Variants in PEAR1 observed in about 807,000 individuals in gnomAD.
The protein encoded by PEAR1 is multiple EGF-like domains protein 12.
PEAR1 carries 113 observed loss-of-function variants against 131.2 expected under a neutral mutation model. The ratio of observed to expected loss-of-function variants is 0.86; its 90% CI spans 0.74 to 1.01. PEAR1 has a LOEUF of 1.01. Ranked by LOEUF, PEAR1 falls within the 50% of genes least tolerant of loss-of-function variation. The pLI is 0.00. For synonymous variants in PEAR1, 565 were observed against 523.3 expected, an observed-to-expected ratio of 1.08 and a Z score of -1.09; for missense variants, 1,408 against 1,391.1, an observed-to-expected ratio of 1.01 and a Z score of -0.19.
intron 11 of PEAR1, among the ~76,000 whole-genome samples, 170 bp downstream of exon 11, chr1:156,909,206 C>T (rs970255384): frequency 6.6e-6 from 1 of 152,120 alleles, no homozygotes; most frequent in Non-Finnish European, 1.5e-5. Flanking sequence ...CCTGGAATAT[C>T]CACTTTGCTT....
Position 156,904,832 on chromosome 1 carries a change from C to T in PEAR1, c.186C>T (p.Pro62=), listed in dbSNP as rs201301244. 1.2e-6 allele frequency: 2 copies of T among 1,613,806 alleles called. No homozygotes were observed. Among genetic ancestry groups the T allele is most frequent in the African/African-American group, 2.7e-5 (2 of 75,050 alleles). ...SEPCERPWEG[P]HTCPQPTVVY... The stretch of plus-strand genomic sequence containing the variant: ...CCTGCGAGCGGCCCTGGGAGGGCCC[C>T]CATACTTGCCCCCAGCCCACGTGAG... Residue 62 remains proline (P), a synonymous_variant, in exon 3 of 23, where the codon CCC becomes CCT. Transcript: ENST00000292357.
Position 156,903,858 on chromosome 1 carries a change from C to G in PEAR1, c.-9-60C>G, listed in dbSNP as rs1649932381. 4 of 1,379,230 alleles carry G rather than the reference C, an allele frequency of 2.9e-6. No individual in the cohort carries two copies. In the African/African-American group the frequency reaches 5.7e-5, roughly 20 times the overall value. 85.4% of individuals were successfully genotyped at this position (1,379,230 alleles called of 1,614,324 possible). A position where few individuals can be genotyped will look rare whatever the true frequency, so the allele number is the denominator to read the frequency against. ...TGCCCACGGCTCAGATCTCTGCAGA[C>G]AGGTCCTCCAGGCTGCTGGCTGCAG... is the stretch of plus-strand genomic sequence containing the variant. On this transcript the variant is annotated intron_variant, in intron 1 of 22. Transcript: ENST00000292357.
chr1:156,909,945 G>T (rs764327219), intron 12 of PEAR1, 31 bp downstream of exon 12: 1 of 1,611,872 alleles, frequency 6.2e-7, no homozygotes. Flanking sequence ...CTGCCTGGGG[G>T]TGGGGAGGGC....
rs769055450 is a variant in PEAR1 at position 156,906,306 on chromosome 1, G to C, written c.338G>C (p.Arg113Pro). 1 of 1,614,074 alleles carries C rather than the reference G, an allele frequency of 6.2e-7. No homozygotes were observed. The highest frequency in any genetic ancestry group is 1.3e-5 in the African/African-American group (1 of 74,930). ...TGTGCCCAGGAGTGTGTCCATGGCCGTTGTGTGGCACCCAATCAGTGCCAA... is the reference window on the plus strand; with the variant it reads ...TGTGCCCAGGAGTGTGTCCATGGCCCTTGTGTGGCACCCAATCAGTGCCAA... ...PLCAQECVHGRCVAPNQCQCV... is the reference protein window; with the variant it reads ...PLCAQECVHGPCVAPNQCQCV... The change falls in exon 5 of 23, where the codon CGT (arginine) becomes CCT (proline). Residue 113 changes from arginine to proline, a missense_variant. Arg to Pro is a moderately radical substitution (Grantham distance 103). Transcript: ENST00000292357.
chr1:156,901,164 G>A (rs1333841176), intron 1 of PEAR1, among the ~76,000 whole-genome samples: 1 of 152,206 alleles, frequency 6.6e-6, no homozygotes, highest in Non-Finnish European at 1.5e-5. Flanking sequence ...TCCAGCCCCT[G>A]GGCTGACCAG....
Position 156,908,267 on chromosome 1 carries a change from C to G in PEAR1, c.1042C>G (p.Arg348Gly). The G allele has an allele frequency of 6.3e-7, 1 of 1,590,926 alleles. No individual in the cohort carries two copies. The stretch of plus-strand genomic sequence containing the variant: ...CTTCACTGGGGACCGCTGCACGGAT[C>G]GCCTCTGCCCCGACGGCTTCTACGG... Reference protein sequence around the residue: ...HGFTGDRCTDRLCPDGFYGLS... With the variant: ...HGFTGDRCTDGLCPDGFYGLS... The change falls in exon 9 of 23, where the codon CGC becomes GGC. Residue 348 changes from arginine (R) to glycine (G), a missense_variant. Arg to Gly is a moderately radical substitution (Grantham distance 125). Transcript: ENST00000292357. This position sits in a 1 kb window ranked among gnomAD's most constrained non-coding sequence, Gnocchi z 4.2.
intron 1 of PEAR1, among the ~76,000 whole-genome samples, chr1:156,900,332 C>G (rs961043170): frequency 4.6e-5 from 7 of 151,218 alleles, no homozygotes; most frequent in Admixed American, 4.6e-4. Flanking sequence ...ATCCCCTTCT[C>G]CTGTCCAATC....
intron 6 of PEAR1, 148 bp downstream of exon 6, chr1:156,907,028 C>T: frequency 1.6e-6 from 2 of 1,240,718 alleles, no homozygotes; most frequent in Non-Finnish European, 2.2e-6. Context: ...TCCTATTCCT[C>T]ACGAGTGGAG....
In PEAR1 at chr1:156,904,775, C is replaced by A. The variant is rs746455637; in HGVS notation, c.129C>A (p.His43Gln). 1 of 1,613,234 alleles carries A rather than the reference C, an allele frequency of 6.2e-7. No individual in the cohort carries two copies. Among genetic ancestry groups the A allele is most frequent in the Non-Finnish European group, 8.5e-7 (1 of 1,179,730 alleles). ...ESFTTTTKES[H>Q]SRPFSLLPSE... ...TCACTACCACCACCAAGGAGTCCCA[C>A]TCCCGCCCCTTCAGCCTGCTCCCCT... is the stretch of plus-strand genomic sequence containing the variant. The change falls in exon 3 of 23, where the codon CAC becomes CAA. Residue 43 changes from histidine (H) to glutamine (Q), a missense_variant. His to Gln is a conservative substitution (Grantham distance 24, BLOSUM62 0). Coordinates refer to ENST00000292357, the MANE Select transcript of PEAR1 (RefSeq NM_001080471.3).
intron 1 of PEAR1, among the ~76,000 whole-genome samples, chr1:156,900,767 C>G (rs533847699): frequency 6.6e-6 from 1 of 152,112 alleles, no homozygotes; most frequent in Admixed American, 6.5e-5. Flanking sequence ...AAGAAGCAAG[C>G]CTGCAGCAGG....
At chr1:156,911,108 T>TTC (rs1558144177) in intron 15 of PEAR1, among the ~76,000 whole-genome samples, 81 of 122,176 alleles carry the variant, frequency 6.6e-4, no homozygotes, top group African/African-American at 2.8e-3. Context: ...CTTTCTTTCT[T>TTC]TTCTTTCTTC....
intron 5 of PEAR1, 61 bp from the exon 6 acceptor site, chr1:156,906,576 C>CG (rs1650329094): frequency 6.3e-7 from 1 of 1,597,288 alleles, no homozygotes; most frequent in African/African-American, 1.3e-5. Context: ...GAGACAGAGA[C>CG]GGGGAGGCTG....
chr1:156,896,824 G>A (rs1649214117), intron 1 of PEAR1, among the ~76,000 whole-genome samples: 1 of 152,226 alleles, frequency 6.6e-6, no homozygotes, highest in South Asian at 2.1e-4. Flanking sequence ...CATCCCATAG[G>A]AACTTGGAGG....
intron 15 of PEAR1, among the ~76,000 whole-genome samples, chr1:156,911,072 T>TC (rs1312608590): frequency 4.2e-4 from 48 of 114,022 alleles, no homozygotes; most frequent in African/African-American, 2.6e-3. Context: ...TTTCTTTCTT[T>TC]CTTTCTTTCT....
chr1:156,910,467 C>A, intron 14 of PEAR1, 87 bp downstream of exon 14: 1 of 1,542,022 alleles, frequency 6.5e-7, no homozygotes, highest in Non-Finnish European at 8.8e-7. Flanking sequence ...CCCGCGCCCG[C>A]CGCCCACCTC....
At chr1:156,905,104 T>C in intron 3 of PEAR1, 2 of 1,275,620 alleles carry the variant, frequency 1.6e-6, no homozygotes, top group Non-Finnish European at 2.2e-6. Flanking sequence ...AAGAAGGGAA[T>C]GCTCTTTCTT....
chr1:156,902,868 G>C lies in PEAR1; in HGVS notation c.-9-1050G>C, dbSNP rs1185869676. ...AGCCGTCTGAAGTGCTGGGAGCCAG[G>C]GGTGGTGGGGATGGAGAGGACCCCA... On this transcript the variant is annotated intron_variant, in intron 1 of 22. Coordinates refer to ENST00000292357, the MANE Select transcript of PEAR1 (RefSeq NM_001080471.3). This position sits in a 1 kb window ranked among gnomAD's most constrained non-coding sequence, Gnocchi z 4.3. 6.6e-6 allele frequency among the ~76,000 whole-genome samples: 1 copy of C among 152,116 alleles called. No individual in the cohort carries two copies. Among genetic ancestry groups the C allele is most frequent in the Non-Finnish European group, 1.5e-5 (1 of 68,014 alleles).
Position 156,910,731 on chromosome 1 carries a change from G to A in PEAR1, c.1939G>A (p.Asp647Asn), listed in dbSNP as rs373224313. The change falls in exon 15 of 23, where the codon GAC (aspartate) becomes AAC (asparagine). Residue 647 changes from aspartate (D) to asparagine (N), a missense_variant. Transcript: ENST00000292357. Reference sequence around the variant, plus strand: ...CTGCCTGGCTGGCTGGACAGGCCCCGACTGCTCCCAGCGTATGTGGTAGCT... The same window carrying A: ...CTGCCTGGCTGGCTGGACAGGCCCCAACTGCTCCCAGCGTATGTGGTAGCT... ...CYCLAGWTGP[D>N]CSQPCPPGHW... The A allele has an allele frequency of 2.0e-5, 32 of 1,614,096 alleles. No homozygotes were observed. Among genetic ancestry groups the A allele is most frequent in the Non-Finnish European group, 2.6e-5 (31 of 1,180,028 alleles).
intron 20 of PEAR1, 57 bp downstream of exon 20, chr1:156,913,580 C>A: frequency 1.9e-6 from 3 of 1,604,188 alleles, no homozygotes; most frequent in East Asian, 2.2e-5. Context: ...GCCCAGATGC[C>A]GCGTCTGAGT....
Sources: gnomAD v4.1 joint callset for allele counts (sites outside exome capture counted in the v4.1 genomes callset) on GRCh38, gnomAD v4.1.1 for gene constraint, Gnocchi (gnomAD v3.1) non-coding constraint, MANE v1.5 for transcripts, NCBI Gene and HGNC (gene_info 2026-07-23, HGNC 2026-07-21) for gene names.